NRXN3: variants seen among roughly 807,000 people sequenced by gnomAD.
The protein encoded by NRXN3 is neurexin III.
Under a neutral mutation model 137.6 loss-of-function variants are expected in NRXN3, and 32 were observed. That is an observed-to-expected ratio of 0.23 (90% CI 0.18 to 0.31). The LOEUF is 0.31. Ranked by LOEUF, NRXN3 falls within the 10% of genes least tolerant of loss-of-function variation. The probability of loss-of-function intolerance (pLI) is 1.00; values close to 1 mark genes in which losing one functional copy is unlikely to be tolerated. For missense variants in NRXN3, 1,574 were observed against 2,062.5 expected (o/e 0.76, Z 4.59); for synonymous variants, 798 against 784.5 (o/e 1.02, Z -0.29).
intron 4 of NRXN3, among the ~76,000 whole-genome samples, chr14:78,488,408 C>T (rs2095603831): frequency 6.6e-6 from 1 of 152,148 alleles, no homozygotes; most frequent in Non-Finnish European, 1.5e-5. Flanking sequence ...AAGCCCTGCT[C>T]TGCAATTCTA....
intron 17 of NRXN3, 62 bp downstream of exon 17, chr14:79,664,011 G>A: frequency 6.5e-7 from 1 of 1,548,120 alleles, no homozygotes; most frequent in Non-Finnish European, 8.9e-7. Context: ...CTTTTCAGTG[G>A]TGATTTTTCT....
intron 15 of NRXN3, among the ~76,000 whole-genome samples, chr14:79,034,781 T>A (rs1417624969): frequency 6.6e-6 from 1 of 152,128 alleles, no homozygotes; most frequent in Non-Finnish European, 1.5e-5. Context: ...TTGTACGTGA[T>A]TATTAGAAGT....
chr14:79,361,445 G>C (rs747756129), intron 15 of NRXN3, among the ~76,000 whole-genome samples: 12 of 152,242 alleles, frequency 7.9e-5, no homozygotes, highest in African/African-American at 2.9e-4. Flanking sequence ...TGCTGAGTGC[G>C]GTGGCTCATG....
chr14:78,185,427 G>T (rs1478845985), intron 1 of NRXN3, among the ~76,000 whole-genome samples: 1 of 152,158 alleles, frequency 6.6e-6, no homozygotes, highest in Non-Finnish European at 1.5e-5. Flanking sequence ...ATACACAGGG[G>T]ATCAAAATTT....
chr14:78,885,152 A>G (rs1305690844), intron 10 of NRXN3, among the ~76,000 whole-genome samples: 1 of 148,482 alleles, frequency 6.7e-6, no homozygotes, highest in Non-Finnish European at 1.5e-5. Flanking sequence ...ATATAAATAT[A>G]AATTACATAT....
At chr14:79,043,239 T>G (rs1037645209) in intron 15 of NRXN3, among the ~76,000 whole-genome samples, 1 of 152,162 alleles carries the variant, frequency 6.6e-6, no homozygotes, top group African/African-American at 2.4e-5. Flanking sequence ...ACAGGCATCT[T>G]TATGGTTCAT....
intron 4 of NRXN3, among the ~76,000 whole-genome samples, chr14:78,342,283 T>C (rs902069274): frequency 1.3e-5 from 2 of 152,176 alleles, no homozygotes; most frequent in African/African-American, 4.8e-5. Flanking sequence ...TTTATTTTAG[T>C]TGAACTTGAG....
At chr14:78,372,705 T>A (rs564993915) in intron 4 of NRXN3, among the ~76,000 whole-genome samples, 2 of 152,332 alleles carry the variant, frequency 1.3e-5, no homozygotes, top group Admixed American at 6.5e-5. Flanking sequence ...GTGCTGTGCA[T>A]GTTATTAGAA....
intron 4 of NRXN3, among the ~76,000 whole-genome samples, chr14:78,439,649 CT>C (rs1321740841): frequency 6.6e-6 from 1 of 152,126 alleles, no homozygotes; most frequent in Non-Finnish European, 1.5e-5. Flanking sequence ...TCTCATAGTA[CT>C]TTTTTTCTTA....
At chr14:78,443,833 A>G (rs767367773) in intron 4 of NRXN3, among the ~76,000 whole-genome samples, 8 of 152,238 alleles carry the variant, frequency 5.3e-5, no homozygotes, top group Non-Finnish European at 8.8e-5. Flanking sequence ...ATACCCATAC[A>G]TGATTCATTC....
At chr14:78,259,001 G>A (rs1377478563) in intron 2 of NRXN3, among the ~76,000 whole-genome samples, 5 of 152,020 alleles carry the variant, frequency 3.3e-5, no homozygotes, top group East Asian at 3.9e-4. Context: ...GCGTGGTGGC[G>A]GGTGCCTGTA....
At chr14:79,263,226 C>A (rs975532314) in intron 15 of NRXN3, among the ~76,000 whole-genome samples, 2 of 152,122 alleles carry the variant, frequency 1.3e-5, no homozygotes, top group Non-Finnish European at 2.9e-5. Flanking sequence ...ATGTTTTCAG[C>A]CACAGAATAC....
chr14:78,368,044 CCTTA>C (rs1305659011), intron 4 of NRXN3, among the ~76,000 whole-genome samples: 8 of 152,240 alleles, frequency 5.3e-5, no homozygotes, highest in African/African-American at 1.7e-4. Flanking sequence ...TCATTGAAGC[CCTTA>C]CTTCAAAAAT....
chr14:79,759,169 T>G (rs1394457571), intron 19 of NRXN3, among the ~76,000 whole-genome samples: 1 of 152,116 alleles, frequency 6.6e-6, no homozygotes, highest in Non-Finnish European at 1.5e-5. Flanking sequence ...CAGTAAGAAG[T>G]TAAGGAGGCC....
chr14:79,045,163 C>G (rs2099631162), intron 15 of NRXN3, among the ~76,000 whole-genome samples: 1 of 152,112 alleles, frequency 6.6e-6, no homozygotes, highest in Non-Finnish European at 1.5e-5. Flanking sequence ...TTGTTTGATT[C>G]CTGCCAAAGC....
At chr14:78,348,900 G>T (rs1039733512) in intron 4 of NRXN3, among the ~76,000 whole-genome samples, 2 of 152,186 alleles carry the variant, frequency 1.3e-5, no homozygotes, top group Non-Finnish European at 2.9e-5. Flanking sequence ...GACCCCAAGT[G>T]CTCCAGTGGG....
At chr14:78,271,654 G>A (rs4903733) in intron 2 of NRXN3, among the ~76,000 whole-genome samples, 120,690 of 152,108 alleles carry the variant, frequency 0.79, 48,437 homozygotes, top group African/African-American at 0.92. Context: ...AGAAATGCCT[G>A]CCTTGGTCCT....
At chr14:78,727,939 G>A (rs954159568) in intron 8 of NRXN3, among the ~76,000 whole-genome samples, 2 of 152,192 alleles carry the variant, frequency 1.3e-5, no homozygotes, top group Admixed American at 6.5e-5. Flanking sequence ...CAAAATCATT[G>A]AATGCTACAG....
chr14:79,687,996 T>C lies in NRXN3; in HGVS notation c.3617-4177T>C, dbSNP rs1420394348. On this transcript the variant is annotated intron_variant, in intron 17 of 20. Transcript: ENST00000335750. ...AGGATGTTACATTTTCTATGGTCAG[T>C]TGATCTTTGGAAGATGACTTTTGTG... Among the ~76,000 whole-genome samples the C allele has an allele frequency of 2.0e-5, 3 of 152,158 alleles. No homozygotes were observed. In the East Asian group the frequency reaches 5.8e-4, roughly 29 times the overall value.
Sources: allele counts gnomAD v4.1 joint callset (sites outside exome capture counted in the v4.1 genomes callset), GRCh38; gene constraint gnomAD v4.1.1; transcripts MANE v1.5; gene names NCBI Gene and HGNC (gene_info 2026-07-23, HGNC 2026-07-21).